The following ADAMTSL1 variants were observed in gnomAD, a reference collection of about 807,000 sequenced individuals.
The protein encoded by ADAMTSL1 is ADAMTS like 1.
Under a neutral mutation model 201.8 loss-of-function variants are expected in ADAMTSL1, and 126 were observed. The ratio of observed to expected loss-of-function variants is 0.62; its 90% CI spans 0.54 to 0.72. The LOEUF (loss-of-function observed/expected upper bound fraction) is 0.72, where lower values mean the gene tolerates loss of function less well. Among genes scored for constraint, ADAMTSL1 ranks in the 30% least tolerant of loss-of-function variants. The pLI is 0.00. For missense variants in ADAMTSL1, 2,679 were observed against 2,277.8 expected (o/e 1.18, Z -3.59); for synonymous variants, 1,121 against 903.4 (o/e 1.24, Z -4.32).
At chr9:18,228,383 G>A (rs1473251021) in intron 2 of ADAMTSL1, among the ~76,000 whole-genome samples, 1 of 152,092 alleles carries the variant, frequency 6.6e-6, no homozygotes, top group African/African-American at 2.4e-5. Flanking sequence ...GCTTGGATCT[G>A]TGTTCTCATA....
chr9:18,253,759 T>G (rs1361440865), intron 2 of ADAMTSL1, among the ~76,000 whole-genome samples: 3 of 152,162 alleles, frequency 2.0e-5, no homozygotes, highest in African/African-American at 7.2e-5. Context: ...TTCTAGCTAG[T>G]AGGAGCAGCC....
At chr9:18,660,028 C>A (rs1369424501) in intron 8 of ADAMTSL1, among the ~76,000 whole-genome samples, 1 of 152,052 alleles carries the variant, frequency 6.6e-6, no homozygotes, top group African/African-American at 2.4e-5. Context: ...TCGTTCATTA[C>A]ATAATAGGGA....
intron 2 of ADAMTSL1, among the ~76,000 whole-genome samples, chr9:18,393,879 C>A (rs987261194): frequency 2.0e-5 from 3 of 152,132 alleles, no homozygotes; most frequent in Admixed American, 1.3e-4. Context: ...TGATACCATC[C>A]GGCTGTGAAA....
At chr9:18,329,016 T>C (rs1181439810) in intron 2 of ADAMTSL1, among the ~76,000 whole-genome samples, 1 of 152,164 alleles carries the variant, frequency 6.6e-6, no homozygotes. Context: ...TTTACATCCC[T>C]CCAAAATTTC....
intron 2 of ADAMTSL1, among the ~76,000 whole-genome samples, chr9:18,302,013 G>T (rs1320779258): frequency 6.6e-6 from 1 of 152,164 alleles, no homozygotes; most frequent in South Asian, 2.1e-4. Context: ...GAGAAAGTCT[G>T]GGATGTTAGA....
chr9:18,347,093 G>A (rs188741218), intron 2 of ADAMTSL1, among the ~76,000 whole-genome samples: 86 of 152,176 alleles, frequency 5.7e-4, no homozygotes, highest in East Asian at 4.1e-3. Context: ...GGCTCATCTT[G>A]TTTGAAAGAG....
intron 2 of ADAMTSL1, among the ~76,000 whole-genome samples, chr9:18,209,689 C>G (rs1313462760): frequency 6.6e-6 from 1 of 152,052 alleles, no homozygotes; most frequent in Non-Finnish European, 1.5e-5. Flanking sequence ...TGAAAGATAC[C>G]CTTATTCATG....
chr9:18,506,066 A>C (rs776296850), intron 2 of ADAMTSL1, among the ~76,000 whole-genome samples: 1 of 152,218 alleles, frequency 6.6e-6, no homozygotes, highest in Non-Finnish European at 1.5e-5. Flanking sequence ...TACCAGATCA[A>C]TTCTGATATT....
At chr9:17,917,648 C>T (rs1262917520) in intron 1 of ADAMTSL1, among the ~76,000 whole-genome samples, 3 of 151,864 alleles carry the variant, frequency 2.0e-5, no homozygotes, top group Non-Finnish European at 4.4e-5. Context: ...TCTGAAGTTT[C>T]CTTTTCTTGA....
intron 13 of ADAMTSL1, among the ~76,000 whole-genome samples, chr9:18,705,323 A>T (rs992061718): frequency 4.6e-5 from 7 of 152,180 alleles, no homozygotes; most frequent in African/African-American, 1.7e-4. Flanking sequence ...AAAATAAAAA[A>T]ATTATCCCAA....
chr9:18,836,899 G>T (rs1182906032), intron 23 of ADAMTSL1, among the ~76,000 whole-genome samples: 2 of 151,956 alleles, frequency 1.3e-5, no homozygotes, highest in African/African-American at 4.8e-5. Flanking sequence ...TTCTTGATTT[G>T]GCCCTCAGCT....
intron 8 of ADAMTSL1, 59 bp downstream of exon 8, chr9:18,657,809 T>TA: frequency 2.2e-6 from 3 of 1,389,528 alleles, no homozygotes; most frequent in Non-Finnish European, 3.1e-6. Context: ...ACTTGGGTAT[T>TA]ATAAGAGTAG....
At chr9:18,562,014 C>T (rs1451314008) in intron 3 of ADAMTSL1, among the ~76,000 whole-genome samples, 1 of 152,090 alleles carries the variant, frequency 6.6e-6, no homozygotes, top group Non-Finnish European at 1.5e-5. Context: ...GCATTTAGTC[C>T]ATTGACATTT....
chr9:18,249,879 C>T (rs16936468), intron 2 of ADAMTSL1, among the ~76,000 whole-genome samples: 22,528 of 152,086 alleles, frequency 0.15, 1,995 homozygotes, highest in African/African-American at 0.24. Context: ...TGGACAGGGA[C>T]AGGGTTCTCC....
At chr9:18,013,938 C>A (rs967047127) in intron 1 of ADAMTSL1, among the ~76,000 whole-genome samples, 4 of 151,928 alleles carry the variant, frequency 2.6e-5, no homozygotes, top group African/African-American at 9.7e-5. Context: ...CATTCTGTAA[C>A]TATGGTAAAA....
At chr9:17,987,721 T>C (rs1249857749) in intron 1 of ADAMTSL1, among the ~76,000 whole-genome samples, 2 of 152,032 alleles carry the variant, frequency 1.3e-5, no homozygotes, top group Non-Finnish European at 2.9e-5. Context: ...TGCCTTGTTT[T>C]TTTGCTTTGG....
chr9:18,192,134 A>G (rs552625325), intron 2 of ADAMTSL1, among the ~76,000 whole-genome samples: 1 of 152,248 alleles, frequency 6.6e-6, no homozygotes, highest in African/African-American at 2.4e-5. Flanking sequence ...TCTAATAGGA[A>G]TATTTGGATT....
At chr9:18,430,672 C>T (rs1819447725) in intron 2 of ADAMTSL1, among the ~76,000 whole-genome samples, 1 of 152,132 alleles carries the variant, frequency 6.6e-6, no homozygotes, top group South Asian at 2.1e-4. Flanking sequence ...TCCTCTATAC[C>T]AGAGACACTA....
chr9:18,048,058 A>G (rs191466419), intron 1 of ADAMTSL1, among the ~76,000 whole-genome samples: 15 of 152,296 alleles, frequency 9.8e-5, no homozygotes, highest in Admixed American at 8.5e-4. Context: ...GGGAGTAAAC[A>G]TTTGACACTA....
Sources: gnomAD v4.1 joint callset for allele counts (sites outside exome capture counted in the v4.1 genomes callset) on GRCh38, gnomAD v4.1.1 for gene constraint, MANE v1.5 for transcripts, NCBI Gene and HGNC (gene_info 2026-07-23, HGNC 2026-07-21) for gene names.